MFF: variants seen among roughly 807,000 people sequenced by gnomAD.
MFF encodes chromosome 2 open reading frame 33.
Under a neutral mutation model 36.9 loss-of-function variants are expected in MFF, and 12 were observed. The observed-to-expected ratio is 0.33, with a 90% CI of 0.21 to 0.53. The LOEUF (loss-of-function observed/expected upper bound fraction) is 0.53. Ranked by LOEUF, MFF falls within the 20% of genes least tolerant of loss-of-function variation. MFF has a pLI of 0.95. For synonymous variants in MFF, 99 were observed against 126.2 expected (o/e 0.78, Z 1.44); for missense variants, 348 against 366.6 (o/e 0.95, Z 0.42).
chr2:227,349,930 A>G (rs1559982990), intron 6 of MFF, among the ~76,000 whole-genome samples: 1 of 152,120 alleles, frequency 6.6e-6, no homozygotes, highest in Non-Finnish European at 1.5e-5. Flanking sequence ...GTTAATTTAA[A>G]CTAGAACTAT....
At chr2:227,353,324 G>A (rs1048057308) in intron 7 of MFF, among the ~76,000 whole-genome samples, 1 of 152,098 alleles carries the variant, frequency 6.6e-6, no homozygotes, top group South Asian at 2.1e-4. Flanking sequence ...AATTTTTTCA[G>A]TCAGTTTTAT....
intron 4 of MFF, among the ~76,000 whole-genome samples, chr2:227,338,028 A>G (rs1008801192): frequency 3.3e-5 from 5 of 151,426 alleles, no homozygotes; most frequent in African/African-American, 9.7e-5. Context: ...TGGGCAACAC[A>G]ATGAGACCCT....
intron 4 of MFF, among the ~76,000 whole-genome samples, chr2:227,336,657 G>A (rs2075029899): frequency 2.6e-5 from 4 of 152,202 alleles, no homozygotes; most frequent in Non-Finnish European, 5.9e-5. Context: ...AAAGTGTACA[G>A]CCAGAGCTGG....
chr2:227,343,649 C>T (rs2075545244), intron 5 of MFF, among the ~76,000 whole-genome samples: 1 of 152,076 alleles, frequency 6.6e-6, no homozygotes, highest in African/African-American at 2.4e-5. Context: ...AGGTTAAATT[C>T]ACAGGTTGGG....
Position 227,336,540 on chromosome 2 carries a change from A to G in MFF, c.352-3752A>G, listed in dbSNP as rs374517298. 1.7e-4 allele frequency among the ~76,000 whole-genome samples: 26 copies of G among 152,340 alleles called. 1 individual carries two copies. The East Asian group carries it at 2.7e-3, about 16-fold the overall frequency. On this transcript the variant is annotated intron_variant, in intron 4 of 8. Transcript: ENST00000304593. The stretch of plus-strand genomic sequence containing the variant: ...GATTTTGGAGGAGAAGAGTAAAGGC[A>G]TTGAGTGGTTTCAGAAATGGAACTA...
intron 8 of MFF, among the ~76,000 whole-genome samples, chr2:227,356,650 C>T (rs1162049007): frequency 1.3e-5 from 2 of 152,060 alleles, no homozygotes; most frequent in African/African-American, 4.8e-5. Flanking sequence ...CTGTGGTAAG[C>T]CTGCCAAAAT....
At chr2:227,329,812 G>A (rs2074439851) in intron 2 of MFF, 1 of 1,447,872 alleles carries the variant, frequency 6.9e-7, no homozygotes, top group East Asian at 2.3e-5. Context: ...AGTTGAGCTG[G>A]TATTATAGGT....
intron 6 of MFF, chr2:227,352,309 A>C (rs1381108262): frequency 2.1e-6 from 1 of 486,158 alleles, no homozygotes; most frequent in Admixed American, 3.5e-5. Flanking sequence ...TTCTTTGATC[A>C]ATAGTAATGT....
intron 6 of MFF, chr2:227,352,157 AT>A (rs78545543): frequency 1.1e-3 from 211 of 186,914 alleles, no homozygotes; most frequent in South Asian, 2.9e-3. Context: ...GGTGCTAGTG[AT>A]TTTTTTTTTC....
At chr2:227,339,214 AAAG>A (rs1333114393) in intron 4 of MFF, among the ~76,000 whole-genome samples, 1 of 152,122 alleles carries the variant, frequency 6.6e-6, no homozygotes, top group Non-Finnish European at 1.5e-5. Flanking sequence ...AAAAAAAAAA[AAAG>A]GTATTTTCAA....
At position 227,347,395 on chromosome 2, in the gene MFF, A is replaced by G. The variant is rs1316220753; in HGVS notation, c.599+11A>G. The G allele has an allele frequency of 1.2e-6, 2 of 1,612,978 alleles. No individual in the cohort carries two copies. The highest frequency in any genetic ancestry group is 2.7e-5 in the African/African-American group (2 of 74,890). ...GGATGAAAATCGCAGGTGATTGGCC[A>G]TCCGTGACTCTTGACAGCTTTATTG... is the stretch of plus-strand genomic sequence containing the variant. On this transcript the variant is annotated intron_variant, in intron 6 of 8. Transcript: ENST00000304593.
At chr2:227,345,014 C>T (rs973191327) in intron 5 of MFF, among the ~76,000 whole-genome samples, 14 of 152,142 alleles carry the variant, frequency 9.2e-5, no homozygotes, top group Admixed American at 4.6e-4. Flanking sequence ...TTCATGTGAT[C>T]GTAAAATCTT....
intron 5 of MFF, 101 bp from the exon 6 acceptor site, chr2:227,347,125 C>A: frequency 3.0e-6 from 3 of 988,622 alleles, no homozygotes; most frequent in Non-Finnish European, 4.6e-6. Flanking sequence ...GGGAAAGGGG[C>A]AAGAACACTA....
chr2:227,332,194 G>T (rs1337771907), intron 3 of MFF, among the ~76,000 whole-genome samples: 1 of 151,146 alleles, frequency 6.6e-6, no homozygotes, highest in African/African-American at 2.4e-5. Flanking sequence ...GGATGGTCTC[G>T]ATCTCTTGAC....
At position 227,332,463 on chromosome 2, in the gene MFF, C is replaced by G. The variant is rs778753054; in HGVS notation, c.226C>G (p.Leu76Val). The change falls in exon 4 of 9, where the codon CTT becomes GTT. Residue 76 changes from leucine (L) to valine (V), a missense_variant. Leu to Val is a conservative substitution (Grantham distance 32). Transcript: ENST00000304593. The stretch of plus-strand genomic sequence containing the variant: ...ATTTTCAAGACCAGCAGATCTTGAC[C>G]TTATTCAGTCAACTCCCTTTAAACC... Reference protein sequence around the residue: ...VSFSRPADLDLIQSTPFKPLA... With the variant: ...VSFSRPADLDVIQSTPFKPLA... The G allele has an allele frequency of 6.2e-7, 1 of 1,613,388 alleles. No homozygotes were observed. The highest frequency in any genetic ancestry group is 1.7e-5 in the Admixed American group (1 of 59,896).
At chr2:227,352,216 C>T in intron 6 of MFF, 1 of 278,170 alleles carries the variant, frequency 3.6e-6, no homozygotes, top group Middle Eastern at 1.2e-3. Context: ...TGTCCTCTGT[C>T]TTAAATTTCA....
chr2:227,340,536 G>T (rs1370819744), intron 5 of MFF, 156 bp downstream of exon 5: 1 of 608,974 alleles, frequency 1.6e-6, no homozygotes, highest in Non-Finnish European at 2.8e-6. Context: ...TTAAAATCTG[G>T]CCATTTTGTT....
chr2:227,350,799 C>T (rs898624050), intron 6 of MFF, among the ~76,000 whole-genome samples: 1 of 152,148 alleles, frequency 6.6e-6, no homozygotes, highest in Non-Finnish European at 1.5e-5. Flanking sequence ...TCCCTTTTGC[C>T]ACTCTACAAA....
chr2:227,335,861 A>G lies in MFF; in HGVS notation c.351+3273A>G, dbSNP rs553553886. 5.9e-5 allele frequency among the ~76,000 whole-genome samples: 9 copies of G among 152,310 alleles called. No homozygotes were observed. The East Asian group carries it at 1.7e-3, about 29-fold the overall frequency. On this transcript the variant is annotated intron_variant, in intron 4 of 8. Coordinates refer to ENST00000304593, the MANE Select transcript of MFF (RefSeq NM_001277062.2). ...TTCAATATGCCTAATCTCCACCAATATTTGGAAATCAGCTCTAAGATAAGA... is the reference window on the plus strand; with the variant it reads ...TTCAATATGCCTAATCTCCACCAATGTTTGGAAATCAGCTCTAAGATAAGA...
Sources: allele counts gnomAD v4.1 joint callset (sites outside exome capture counted in the v4.1 genomes callset), GRCh38; gene constraint gnomAD v4.1.1; transcripts MANE v1.5; gene names NCBI Gene and HGNC (gene_info 2026-07-23, HGNC 2026-07-21).